LTA4H: variants seen among roughly 807,000 people sequenced by gnomAD.
The protein encoded by LTA4H is leukotriene A-4 hydrolase.
LTA4H carries 59 observed loss-of-function variants against 89.8 expected under a neutral mutation model. That is an observed-to-expected ratio of 0.66 (90% CI 0.53 to 0.82). LTA4H has a LOEUF of 0.82. LTA4H is among the 40% of genes least tolerant of loss of function. The probability of loss-of-function intolerance (pLI) is 0.00; values close to 1 mark genes in which losing one functional copy is unlikely to be tolerated. For synonymous variants in LTA4H, 227 were observed against 253.1 expected, an observed-to-expected ratio of 0.90 and a Z score of 0.98; for missense variants, 617 against 727.0, an observed-to-expected ratio of 0.85 and a Z score of 1.74.
intron 1 of LTA4H, 128 bp from the exon 2 acceptor site, chr12:96,029,313 A>G: frequency 2.0e-6 from 1 of 497,644 alleles, no homozygotes. Flanking sequence ...GAAGAATTGA[A>G]GAGTCAAAAG....
At chr12:96,036,178 T>A (rs767164884), upstream of LTA4H, among the ~76,000 whole-genome samples, 1 of 152,202 alleles carries the variant, frequency 6.6e-6, no homozygotes, top group Non-Finnish European at 1.5e-5. Flanking sequence ...ATTATGTATA[T>A]CCCCAGAACC....
intron 18 of LTA4H, among the ~76,000 whole-genome samples, chr12:96,002,039 A>G (rs1402742719): frequency 6.6e-6 from 1 of 152,094 alleles, no homozygotes; most frequent in East Asian, 1.9e-4. Flanking sequence ...TTGTATTTTT[A>G]GTACAGACAG....
At chr12:96,001,583 A>C (rs1950104201) in intron 18 of LTA4H, among the ~76,000 whole-genome samples, 1 of 152,208 alleles carries the variant, frequency 6.6e-6, no homozygotes, top group Non-Finnish European at 1.5e-5. Context: ...TTTTAAAAAA[A>C]ATTTTTTAAT....
Position 96,027,596 on chromosome 12 carries a change from T to A in LTA4H, c.291-32A>T, listed in dbSNP as rs373425684. ...GAAACACATAAATATATTAGTAGAGTATGATTCCATCTAGTGAAAATTTAA... is the reference window on the plus strand; with the variant it reads ...GAAACACATAAATATATTAGTAGAGAATGATTCCATCTAGTGAAAATTTAA... On this transcript the variant is annotated intron_variant, in intron 2 of 18. Transcript: ENST00000228740. 2.8e-5 allele frequency: 40 copies of A among 1,404,608 alleles called. No individual in the cohort carries two copies. In the African/African-American group the frequency reaches 5.3e-4, roughly 19 times the overall value. 87.0% of individuals were successfully genotyped at this position (1,404,608 alleles called of 1,614,324 possible). A position where few individuals can be genotyped will look rare whatever the true frequency, so the allele number is the denominator to read the frequency against.
intron 12 of LTA4H, 86 bp downstream of exon 12, chr12:96,014,769 G>C (rs1347957104): frequency 5.5e-6 from 7 of 1,274,398 alleles, no homozygotes; most frequent in Non-Finnish European, 7.6e-6. Flanking sequence ...AGTATTAAAT[G>C]GAACAAAACA....
chr12:96,026,270 C>T (rs1950512205), intron 3 of LTA4H, among the ~76,000 whole-genome samples: 1 of 152,174 alleles, frequency 6.6e-6, no homozygotes, highest in Non-Finnish European at 1.5e-5. Flanking sequence ...GGCAAATATG[C>T]ATACAGAACA....
At chr12:96,002,934 A>C in intron 18 of LTA4H, 26 bp downstream of exon 18, 1 of 1,462,862 alleles carries the variant, frequency 6.8e-7, no homozygotes. Context: ...AGATGAATTC[A>C]AAGTACGGTC....
intron 1 of LTA4H, among the ~76,000 whole-genome samples, chr12:96,034,191 T>C (rs1374458111): frequency 6.6e-6 from 1 of 152,210 alleles, no homozygotes; most frequent in African/African-American, 2.4e-5. Flanking sequence ...TGTGCTTTAG[T>C]AGATTTCACC....
chr12:96,014,936 G>A lies in LTA4H; in HGVS notation c.1123C>T (p.Pro375Ser). 1 of 1,613,512 alleles carries A rather than the reference G, an allele frequency of 6.2e-7. No homozygotes were observed. The highest frequency in any genetic ancestry group is 8.5e-7 in the Non-Finnish European group (1 of 1,179,692). ...KLVVDLTDID[P>S]DVAYSSVPYE... Reference sequence around the variant, plus strand: ...GGAACTGAAGAATAAGCTACATCAGGGTCTATATCTGTCAGATCAACCACA... The same window carrying A: ...GGAACTGAAGAATAAGCTACATCAGAGTCTATATCTGTCAGATCAACCACA... Residue 375 changes from proline (P) to serine (S), a missense_variant, in exon 12 of 19, where the codon CCT becomes TCT. Coordinates refer to ENST00000228740, the MANE Select transcript of LTA4H (RefSeq NM_000895.3).
chr12:96,003,433 A>G (rs891357396), intron 17 of LTA4H, among the ~76,000 whole-genome samples: 5 of 152,334 alleles, frequency 3.3e-5, no homozygotes, highest in East Asian at 1.9e-4. Flanking sequence ...TATACATGCA[A>G]TTTCTGAAGG....
At chr12:96,024,036 T>C (rs1209945754) in intron 4 of LTA4H, among the ~76,000 whole-genome samples, 1 of 151,966 alleles carries the variant, frequency 6.6e-6, no homozygotes, top group Non-Finnish European at 1.5e-5. Flanking sequence ...TTCATGCCAT[T>C]CTCCTGCCTC....
chr12:96,016,929 G>C (rs1031314051), intron 10 of LTA4H, 115 bp downstream of exon 10: 1 of 741,518 alleles, frequency 1.3e-6, no homozygotes, highest in African/African-American at 1.8e-5. Context: ...GCCTACCTAA[G>C]AGATGATAAC....
intron 8 of LTA4H, among the ~76,000 whole-genome samples, chr12:96,017,919 T>TA (rs1950401022): frequency 6.6e-6 from 1 of 152,220 alleles, no homozygotes; most frequent in African/African-American, 2.4e-5. Flanking sequence ...ACCCAAAATA[T>TA]ATTTAATAAA....
At chr12:96,008,809 C>T (rs1304423563) in intron 15 of LTA4H, among the ~76,000 whole-genome samples, 1 of 152,086 alleles carries the variant, frequency 6.6e-6, no homozygotes. Flanking sequence ...GTCCCAGTTA[C>T]TCGGGAGGCT....
rs1235113477 is a variant in LTA4H at position 96,009,101 on chromosome 12, C to T, written c.1427G>A (p.Trp476Ter). 7 of 1,600,080 alleles carry T rather than the reference C, an allele frequency of 4.4e-6. No homozygotes were observed. Among genetic ancestry groups the T allele is most frequent in the Non-Finnish European group, 6.0e-6 (7 of 1,168,938 alleles). The change falls in exon 15 of 19, where the codon TGG becomes TAG. Residue 476 changes from tryptophan to a stop codon, truncating the protein, a stop_gained. Transcript: ENST00000228740. LOFTEE classifies it high-confidence loss of function. ...TCACACATTATTACTTACAGTAATC[C>T]ATCTTTGACTTAAGGCAATACAAGC... ...TNACIALSQR[W>*]ITAKEDDLNS... is the part of the protein sequence containing the mutation.
intron 10 of LTA4H, among the ~76,000 whole-genome samples, chr12:96,015,962 C>A (rs1391605560): frequency 6.6e-6 from 1 of 152,192 alleles, no homozygotes. Flanking sequence ...TTAAACTTAA[C>A]ACCTAGACTG....
chr12:96,026,515 T>C (rs911470623), intron 3 of LTA4H, among the ~76,000 whole-genome samples: 3 of 152,248 alleles, frequency 2.0e-5, no homozygotes, highest in African/African-American at 4.8e-5. Flanking sequence ...ATTTATGAGA[T>C]ACAGATTGTG....
chr12:96,035,619 AG>A, upstream of LTA4H: 8 of 1,453,872 alleles, frequency 5.5e-6, no homozygotes, highest in Non-Finnish European at 7.3e-6. Context: ...GGTAAAGAAG[AG>A]GAGGAGGGAT....
intron 15 of LTA4H, among the ~76,000 whole-genome samples, chr12:96,008,333 G>A (rs1950237895): frequency 6.6e-6 from 1 of 152,082 alleles, no homozygotes; most frequent in African/African-American, 2.4e-5. Context: ...TTCTATTTTA[G>A]TACATATATG....
Sources: gnomAD v4.1 joint callset for allele counts (sites outside exome capture counted in the v4.1 genomes callset) on GRCh38, gnomAD v4.1.1 for gene constraint, MANE v1.5 for transcripts, NCBI Gene and HGNC (gene_info 2026-07-23, HGNC 2026-07-21) for gene names.